WDR27: variants seen among roughly 807,000 people sequenced by gnomAD.
The protein encoded by WDR27 is WD repeat domain 27, also known as WD repeat-containing protein 27.
WDR27 carries 100 observed loss-of-function variants against 114.4 expected under a neutral mutation model. The observed-to-expected ratio is 0.87, with a 90% CI of 0.74 to 1.03. WDR27 has a LOEUF of 1.03. Among genes scored for constraint, WDR27 ranks in the 50% least tolerant of loss-of-function variants. The pLI is 0.00. For missense variants in WDR27, 1,129 were observed against 1,092.9 expected (o/e 1.03, Z -0.47); for synonymous variants, 449 against 423.1 (o/e 1.06, Z -0.75).
intron 20 of WDR27, 52 bp downstream of exon 20, chr6:169,634,376 A>T: frequency 7.2e-7 from 1 of 1,382,088 alleles, no homozygotes; most frequent in Admixed American, 1.9e-5. Flanking sequence ...CCTCTGCCAG[A>T]GGAACAACAC....
intron 22 of WDR27, among the ~76,000 whole-genome samples, chr6:169,609,684 G>A (rs2473446): frequency 0.94 from 142,587 of 152,284 alleles, 66,850 homozygotes; most frequent in East Asian, 0.99. Context: ...GACCTCTGAC[G>A]TGTCCTGAAG....
chr6:169,447,106 T>A, the WDR27 span, among the ~76,000 whole-genome samples: 13 of 152,228 alleles, frequency 8.5e-5, no homozygotes, highest in African/African-American at 2.7e-4. Context: ...CACAATAAAA[T>A]TTTTCCATAA....
At chr6:169,646,917 C>A (rs927467683) in intron 16 of WDR27, among the ~76,000 whole-genome samples, 1 of 152,102 alleles carries the variant, frequency 6.6e-6, no homozygotes, top group East Asian at 1.9e-4. Context: ...TCTTTGGCTA[C>A]AATTATATAA....
intron 23 of WDR27, among the ~76,000 whole-genome samples, chr6:169,596,273 T>C: frequency 6.6e-6 from 1 of 152,100 alleles, no homozygotes; most frequent in East Asian, 1.9e-4. Flanking sequence ...TTTACCGAAC[T>C]TCTATATTTA....
chr6:169,430,254 C>T, the WDR27 span, among the ~76,000 whole-genome samples: 38 of 152,342 alleles, frequency 2.5e-4, 1 homozygote, highest in East Asian at 4.2e-3. Flanking sequence ...TTGGTGAGCA[C>T]CCGCCTACCT....
intron 21 of WDR27, among the ~76,000 whole-genome samples, chr6:169,622,281 C>T (rs773169966): frequency 4.1e-4 from 63 of 152,164 alleles, no homozygotes; most frequent in Non-Finnish European, 1.5e-4. Context: ...CTGACCACCT[C>T]GGGCAAATGT....
intron 1 of WDR27, among the ~76,000 whole-genome samples, chr6:169,700,384 C>A (rs1442786641): frequency 6.6e-6 from 1 of 152,222 alleles, no homozygotes; most frequent in Non-Finnish European, 1.5e-5. Flanking sequence ...AGAAGAGAGA[C>A]TACGGTAAGT....
chr6:169,454,418 T>G (rs1453590901), downstream of WDR27, among the ~76,000 whole-genome samples: 1 of 152,146 alleles, frequency 6.6e-6, no homozygotes, highest in Non-Finnish European at 1.5e-5. Context: ...ACAGGTTATC[T>G]TTTTCTCCAT....
At chr6:169,464,480 C>A (rs1320169733) in intron 25 of WDR27, among the ~76,000 whole-genome samples, 3 of 152,084 alleles carry the variant, frequency 2.0e-5, no homozygotes, top group Non-Finnish European at 4.4e-5. Context: ...TGGCAATGAT[C>A]TATTGGATAT....
chr6:169,637,579 G>A (rs539052061), intron 18 of WDR27, among the ~76,000 whole-genome samples: 4 of 152,240 alleles, frequency 2.6e-5, no homozygotes, highest in African/African-American at 4.8e-5. Context: ...GTATGTAAGC[G>A]TGCATATGTG....
chr6:169,642,641 G>A (rs1012864487), intron 17 of WDR27, among the ~76,000 whole-genome samples: 8 of 152,252 alleles, frequency 5.3e-5, no homozygotes, highest in East Asian at 3.9e-4. Flanking sequence ...TGCAGGAGCC[G>A]AGCCCGGCTC....
At chr6:169,681,708 C>T (rs1249791675) in intron 2 of WDR27, among the ~76,000 whole-genome samples, 2 of 152,200 alleles carry the variant, frequency 1.3e-5, no homozygotes, top group Non-Finnish European at 2.9e-5. Context: ...TCTGAGGTCC[C>T]AGGTAAGAGC....
intron 25 of WDR27, among the ~76,000 whole-genome samples, chr6:169,566,817 A>G (rs1261082655): frequency 6.6e-6 from 1 of 152,250 alleles, no homozygotes; most frequent in Non-Finnish European, 1.5e-5. Flanking sequence ...AATCAGCCAT[A>G]GTCTGTGCTT....
At chr6:169,632,194 A>G (rs1046909895) in intron 21 of WDR27, among the ~76,000 whole-genome samples, 5 of 150,418 alleles carry the variant, frequency 3.3e-5, no homozygotes, top group African/African-American at 9.7e-5. Context: ...TGTCTCAAAA[A>G]AAAAAAAAAA....
intron 25 of WDR27, among the ~76,000 whole-genome samples, chr6:169,482,471 G>A (rs983164268): frequency 6.6e-6 from 1 of 152,164 alleles, no homozygotes; most frequent in Non-Finnish European, 1.5e-5. Context: ...ACTGGTATGA[G>A]ATGGTATCTC....
rs186113891 is a variant in WDR27 at position 169,696,975 on chromosome 6, C to G, written c.-8+4576G>C. On this transcript the variant is annotated intron_variant, in intron 1 of 25. Transcript: ENST00000448612. Reference sequence around the variant, plus strand: ...TCCTGACACCCAACGTCTGATATCACTGGAATTATTTCCAAAATAAAGACA... The same window carrying G: ...TCCTGACACCCAACGTCTGATATCAGTGGAATTATTTCCAAAATAAAGACA... Among the ~76,000 whole-genome samples, 12 of 152,202 alleles carry G rather than the reference C, an allele frequency of 7.9e-5. No homozygotes were observed. The East Asian group carries it at 2.3e-3, about 30-fold the overall frequency.
intron 24 of WDR27, among the ~76,000 whole-genome samples, chr6:169,582,398 T>G (rs1803639654): frequency 6.6e-6 from 1 of 152,236 alleles, no homozygotes; most frequent in Non-Finnish European, 1.5e-5. Flanking sequence ...TTAAGAAAGT[T>G]TCTGGAAATG....
At chr6:169,685,864 A>G (rs914130977) in intron 2 of WDR27, among the ~76,000 whole-genome samples, 3 of 152,178 alleles carry the variant, frequency 2.0e-5, no homozygotes, top group African/African-American at 7.2e-5. Context: ...CGAATAACCA[A>G]ATAGTTTCAA....
intron 25 of WDR27, among the ~76,000 whole-genome samples, chr6:169,464,038 T>C (rs1421978911): frequency 1.3e-5 from 2 of 152,238 alleles, no homozygotes; most frequent in African/African-American, 4.8e-5. Context: ...ACAACCCATT[T>C]TGAAATTCAT....
Sources: gnomAD v4.1 joint callset for allele counts (sites outside exome capture counted in the v4.1 genomes callset) on GRCh38, gnomAD v4.1.1 for gene constraint, MANE v1.5 for transcripts, NCBI Gene and HGNC (gene_info 2026-07-23, HGNC 2026-07-21) for gene names.